Variants in ADGRD1 observed in about 807,000 individuals in gnomAD.
ADGRD1 encodes the protein adhesion G protein-coupled receptor D1.
ADGRD1 carries 77 observed loss-of-function variants against 113.4 expected under a neutral mutation model. The ratio of observed to expected loss-of-function variants is 0.68; its 90% CI spans 0.57 to 0.82. The LOEUF (loss-of-function observed/expected upper bound fraction) is 0.82. ADGRD1 is among the 40% of genes least tolerant of loss of function. The pLI, the probability that ADGRD1 is intolerant of heterozygous loss-of-function variation, is 0.00. For synonymous variants in ADGRD1, 474 were observed against 475.0 expected (o/e 1.00, Z 0.03); for missense variants, 1,036 against 1,139.1 (o/e 0.91, Z 1.30).
chr12:130,989,303 G>A (rs1874078655), intron 6 of ADGRD1: 1 of 152,226 alleles, frequency 6.6e-6, no homozygotes. Flanking sequence ...ACTGGAAAGA[G>A]GTGCCCTTGT....
At chr12:131,120,783 G>A in intron 19 of ADGRD1, 64 bp from the exon 20 acceptor site, 1 of 1,532,056 alleles carries the variant, frequency 6.5e-7, no homozygotes, top group Non-Finnish European at 9.0e-7. Context: ...AACTACTTTT[G>A]GATGAAGGTA....
chr12:131,078,783 T>C (rs11061314), intron 14 of ADGRD1, among the ~76,000 whole-genome samples: 45,823 of 152,098 alleles, frequency 0.3, 8,551 homozygotes, highest in East Asian at 0.67. Flanking sequence ...TTTCCCTCAA[T>C]TCCTAGAGGC....
chr12:131,042,978 C>A (rs1882294571), intron 13 of ADGRD1, among the ~76,000 whole-genome samples: 1 of 152,258 alleles, frequency 6.6e-6, no homozygotes, highest in African/African-American at 2.4e-5. Context: ...GCGGCCCTCC[C>A]CGCCCTGCGG....
intron 13 of ADGRD1, among the ~76,000 whole-genome samples, chr12:131,049,780 T>C (rs1883194728): frequency 6.6e-6 from 1 of 152,156 alleles, no homozygotes. Flanking sequence ...ATGGCTTTCC[T>C]GGAGCGGGGG....
At chr12:131,033,052 C>T (rs1566048338) in intron 13 of ADGRD1, among the ~76,000 whole-genome samples, 1 of 152,352 alleles carries the variant, frequency 6.6e-6, no homozygotes, top group East Asian at 1.9e-4. Flanking sequence ...CCTCTCCTCC[C>T]GAGCTAAATG....
chr12:131,103,634 C>T (rs1299855702), intron 15 of ADGRD1, among the ~76,000 whole-genome samples: 1 of 152,260 alleles, frequency 6.6e-6, no homozygotes, highest in Non-Finnish European at 1.5e-5. Context: ...TCATTGCCAA[C>T]AGCTCCTTAC....
At chr12:131,030,270 C>T (rs1184924784) in intron 13 of ADGRD1, among the ~76,000 whole-genome samples, 2 of 150,670 alleles carry the variant, frequency 1.3e-5, no homozygotes, top group African/African-American at 2.5e-5. Context: ...AGGTGACATT[C>T]CCAGGCTCTG....
chr12:131,115,691 G>A (rs539580543), intron 18 of ADGRD1, among the ~76,000 whole-genome samples: 1 of 152,306 alleles, frequency 6.6e-6, no homozygotes, highest in Non-Finnish European at 1.5e-5. Flanking sequence ...AGGGCCAGAG[G>A]GACTTCACAT....
At chr12:131,099,617 G>A (rs1366766746) in intron 15 of ADGRD1, among the ~76,000 whole-genome samples, 2 of 152,180 alleles carry the variant, frequency 1.3e-5, no homozygotes, top group Non-Finnish European at 2.9e-5. Flanking sequence ...TTGTGTGGAA[G>A]AAGAATGTAT....
At chr12:130,986,931 A>C in intron 5 of ADGRD1, 164 bp from the exon 6 acceptor site, 1 of 614,378 alleles carries the variant, frequency 1.6e-6, no homozygotes, top group Non-Finnish European at 2.9e-6. Context: ...GCTCCAAAGG[A>C]CTGGGGAAAG....
chr12:131,080,132 T>C (rs1480138838), intron 14 of ADGRD1, among the ~76,000 whole-genome samples: 1 of 152,242 alleles, frequency 6.6e-6, no homozygotes, highest in Non-Finnish European at 1.5e-5. Context: ...CTGTGAGCAC[T>C]GATCTAGCTG....
intron 24 of ADGRD1, among the ~76,000 whole-genome samples, chr12:131,138,477 G>A (rs1032557561): frequency 6.6e-6 from 1 of 152,190 alleles, no homozygotes; most frequent in Non-Finnish European, 1.5e-5. Context: ...TGTTCACTTA[G>A]GGATGGAAGG....
chr12:130,986,130 T>C (rs1873638022), intron 5 of ADGRD1, among the ~76,000 whole-genome samples: 1 of 152,198 alleles, frequency 6.6e-6, no homozygotes, highest in Admixed American at 6.5e-5. Flanking sequence ...TCCTTCAATA[T>C]TGTATTGGCT....
chr12:131,000,015 A>G (rs759329324), intron 8 of ADGRD1, among the ~76,000 whole-genome samples: 1 of 152,152 alleles, frequency 6.6e-6, no homozygotes, highest in Non-Finnish European at 1.5e-5. Context: ...TCGCCCCAAG[A>G]AAAGCGCATC....
chr12:131,049,200 A>T (rs946493031), intron 13 of ADGRD1, among the ~76,000 whole-genome samples: 3 of 152,190 alleles, frequency 2.0e-5, no homozygotes, highest in African/African-American at 7.2e-5. Flanking sequence ...TTCCTGCCTT[A>T]TCAGGCGGGG....
chr12:131,078,557 G>A (rs981474727), intron 14 of ADGRD1, among the ~76,000 whole-genome samples: 1 of 152,172 alleles, frequency 6.6e-6, no homozygotes, highest in Non-Finnish European at 1.5e-5. Flanking sequence ...ACTAGAAAAC[G>A]GGATGGGATT....
At chr12:130,995,480 G>T (rs1875128117) in intron 8 of ADGRD1, among the ~76,000 whole-genome samples, 1 of 152,212 alleles carries the variant, frequency 6.6e-6, no homozygotes, top group Non-Finnish European at 1.5e-5. Flanking sequence ...AGAGTCAGAG[G>T]TTGCAAACTC....
intron 13 of ADGRD1, among the ~76,000 whole-genome samples, chr12:131,046,330 G>C (rs112877410): frequency 3.2e-5 from 1 of 31,110 alleles, no homozygotes; most frequent in Admixed American, 3.2e-4. Flanking sequence ...GTCCTCCCTG[G>C]TCAGTGCTCC....
chr12:131,011,527 G>A (rs1371431990), intron 12 of ADGRD1, among the ~76,000 whole-genome samples: 9 of 152,048 alleles, frequency 5.9e-5, no homozygotes, highest in African/African-American at 1.7e-4. Context: ...GCGTGGTTCC[G>A]GGAGCTGGGG....
Sources: gnomAD v4.1 joint callset for allele counts (sites outside exome capture counted in the v4.1 genomes callset) on GRCh38, gnomAD v4.1.1 for gene constraint, MANE v1.5 for transcripts, NCBI Gene and HGNC (gene_info 2026-07-23, HGNC 2026-07-21) for gene names.